The following CFAP70 variants were observed in gnomAD, a reference collection of about 807,000 sequenced individuals.
The protein encoded by CFAP70 is cilia and flagella associated protein 70, also known as cilia- and flagella-associated protein 70.
A neutral mutation model predicts 137.6 loss-of-function variants in CFAP70; 81 were observed. The ratio of observed to expected loss-of-function variants is 0.59; its 90% confidence interval spans 0.49 to 0.71. The LOEUF is 0.71. Ranked by LOEUF, CFAP70 falls within the 30% of genes least tolerant of loss-of-function variation. The pLI is 0.00. For missense variants in CFAP70, 976 were observed against 1,226.7 expected, an observed-to-expected ratio of 0.80 and a Z score of 3.05; for synonymous variants, 382 against 423.6, an observed-to-expected ratio of 0.90 and a Z score of 1.20.
At chr10:73,265,463 CAT>C (rs1486334611) in intron 25 of CFAP70, among the ~76,000 whole-genome samples, 2 of 152,032 alleles carry the variant, frequency 1.3e-5, no homozygotes, top group East Asian at 3.8e-4. Context: ...CACATCAGTT[CAT>C]AGAGATCTTC....
intron 15 of CFAP70, chr10:73,293,676 T>TA (rs2048335953): frequency 1.6e-5 from 4 of 250,862 alleles, no homozygotes; most frequent in Non-Finnish European, 7.6e-6. Context: ...AGGGCATTCA[T>TA]AGTCCCTATG....
chr10:73,359,740 G>C (rs975431723), upstream of CFAP70, among the ~76,000 whole-genome samples: 6 of 152,130 alleles, frequency 3.9e-5, no homozygotes, highest in Non-Finnish European at 7.3e-5. Context: ...ATGAGGCATA[G>C]AATACTGGCG....
intron 11 of CFAP70, among the ~76,000 whole-genome samples, 190 bp downstream of exon 12, chr10:73,311,644 A>G (rs1235922779): frequency 6.6e-6 from 1 of 152,226 alleles, no homozygotes; most frequent in Non-Finnish European, 1.5e-5. Context: ...CTTAAAATTA[A>G]CCTGGCACCA....
At chr10:73,298,285 G>A (rs935440862) in intron 14 of CFAP70, among the ~76,000 whole-genome samples, 2 of 152,124 alleles carry the variant, frequency 1.3e-5, no homozygotes, top group Non-Finnish European at 2.9e-5. Flanking sequence ...TTGATAAATT[G>A]GCCTGGAAAA....
intron 25 of CFAP70, among the ~76,000 whole-genome samples, chr10:73,256,670 G>A (rs528010708): frequency 1.3e-5 from 2 of 151,940 alleles, no homozygotes; most frequent in Admixed American, 6.5e-5. Context: ...TTGGGAGACC[G>A]AGGTGGGTGG....
At chr10:73,303,514 G>A (rs569676181) in intron 12 of CFAP70, among the ~76,000 whole-genome samples, 3 of 152,072 alleles carry the variant, frequency 2.0e-5, no homozygotes, top group African/African-American at 4.8e-5. Context: ...CACCACACCC[G>A]GCCTATTGTT....
At chr10:73,282,206 G>A (rs2047309526) in intron 19 of CFAP70, among the ~76,000 whole-genome samples, 1 of 152,216 alleles carries the variant, frequency 6.6e-6, no homozygotes, top group Non-Finnish European at 1.5e-5. Flanking sequence ...GGATTGGGCA[G>A]CTGGCCTGGC....
At chr10:73,326,754 C>T (rs1436310009) in intron 8 of CFAP70, among the ~76,000 whole-genome samples, 1 of 152,056 alleles carries the variant, frequency 6.6e-6, no homozygotes, top group Non-Finnish European at 1.5e-5. Flanking sequence ...GGATAAATTC[C>T]TCGACACATA....
At chr10:73,297,466 A>G (rs1306041329) in intron 14 of CFAP70, among the ~76,000 whole-genome samples, 2 of 152,202 alleles carry the variant, frequency 1.3e-5, no homozygotes, top group African/African-American at 2.4e-5. Context: ...TTTAGGCATT[A>G]TGTCTCTCAT....
chr10:73,337,723 T>G (rs1322090162), intron 6 of CFAP70, among the ~76,000 whole-genome samples: 2 of 152,038 alleles, frequency 1.3e-5, no homozygotes, highest in African/African-American at 2.4e-5. Flanking sequence ...TGGCCAAATG[T>G]GGTGAAACCC....
rs571180646 is a variant in CFAP70 at position 73,297,621 on chromosome 10, A to C, written c.1513-448T>G. Among the ~76,000 whole-genome samples, 7 of 152,274 alleles carry C rather than the reference A, an allele frequency of 4.6e-5. No homozygotes were observed. The South Asian group carries it at 1.2e-3, about 27-fold the overall frequency. On this transcript the variant is annotated intron_variant, in intron 14 of 26. Transcript: ENST00000310715. ...CTCAGCTTCCTCATTTGTTAAGAGGATATGTAGTTCTGGTATTATTATTTT... is the reference window on the plus strand; with the variant it reads ...CTCAGCTTCCTCATTTGTTAAGAGGCTATGTAGTTCTGGTATTATTATTTT...
intron 16 of CFAP70, 148 bp from the exon 18 acceptor site, chr10:73,292,162 T>G: frequency 1.1e-6 from 1 of 949,642 alleles, no homozygotes; most frequent in Non-Finnish European, 1.6e-6. Context: ...CTCAAATGCC[T>G]AGTGCAATCA....
At chr10:73,303,045 C>T (rs2049085036) in intron 12 of CFAP70, among the ~76,000 whole-genome samples, 1 of 151,652 alleles carries the variant, frequency 6.6e-6, no homozygotes, top group South Asian at 2.1e-4. Flanking sequence ...TACAGGTATG[C>T]ACTACCACAC....
intron 25 of CFAP70, among the ~76,000 whole-genome samples, chr10:73,256,730 C>T (rs547615089): frequency 1.3e-4 from 20 of 151,612 alleles, no homozygotes; most frequent in Admixed American, 5.9e-4. Context: ...GGTGAAACCC[C>T]GTCTCTAATA....
In CFAP70 at chr10:73,335,643, A is replaced by G. The variant is rs527656000; in HGVS notation, c.583-119T>C. 5.3e-5 allele frequency: 31 copies of G among 587,400 alleles called. No individual in the cohort carries two copies. The South Asian group carries it at 6.0e-4, about 11-fold the overall frequency. 36.4% of individuals were successfully genotyped at this position (587,400 alleles called of 1,614,324 possible). On this transcript the variant is annotated intron_variant, in intron 6 of 26. Transcript: ENST00000310715. ...TACTTTTCTTAGTATTATTACTACT[A>G]TAAGTATGACTACTATTGCAACTAC...
chr10:73,360,308 G>A (rs775040896), upstream of CFAP70, among the ~76,000 whole-genome samples: 10 of 152,074 alleles, frequency 6.6e-5, no homozygotes, highest in Non-Finnish European at 1.2e-4. Flanking sequence ...ACTTTCAAAA[G>A]GTCCAGAAAA....
intron 8 of CFAP70, 27 bp from the exon 10 acceptor site, chr10:73,323,124 T>C (rs766143449): frequency 4.4e-6 from 7 of 1,594,958 alleles, no homozygotes; most frequent in African/African-American, 4.1e-5. Flanking sequence ...AGAGAGTTGT[T>C]AGTGCTATAA....
At chr10:73,293,329 A>T (rs769854677) in exon 16 of CFAP70, 1 of 1,612,414 alleles carries the variant, frequency 6.2e-7, no homozygotes, top group Non-Finnish European at 8.5e-7. Flanking sequence ...CAAAGAGTTG[A>T]AGCTGTTCAC....
chr10:73,318,460 T>G (rs544850394), intron 9 of CFAP70, among the ~76,000 whole-genome samples: 1 of 152,362 alleles, frequency 6.6e-6, no homozygotes, highest in East Asian at 1.9e-4. Context: ...GAGGATAATT[T>G]TTAATATATG....
Sources: gnomAD v4.1 joint callset for allele counts (sites outside exome capture counted in the v4.1 genomes callset) on GRCh38, gnomAD v4.1.1 for gene constraint, MANE v1.5 for transcripts, NCBI Gene and HGNC (gene_info 2026-07-23, HGNC 2026-07-21) for gene names.